The following SLIT3 variants were observed in gnomAD, a reference collection of about 807,000 sequenced individuals.
SLIT3 encodes slit homolog 3 protein.
A neutral mutation model predicts 184.0 loss-of-function variants in SLIT3; 68 were observed. The ratio of observed to expected loss-of-function variants is 0.37; its 90% CI spans 0.30 to 0.45. The LOEUF (loss-of-function observed/expected upper bound fraction) is 0.45, where lower values mean the gene tolerates loss of function less well. SLIT3 is among the 20% of genes least tolerant of loss of function. The pLI is 1.00. For synonymous variants in SLIT3, 831 were observed against 828.6 expected (o/e 1.00, Z -0.05); for missense variants, 1,707 against 2,026.0 (o/e 0.84, Z 3.02).
At chr5:169,006,326 C>A (rs184402418) in intron 4 of SLIT3, among the ~76,000 whole-genome samples, 1 of 152,290 alleles carries the variant, frequency 6.6e-6, no homozygotes, top group Non-Finnish European at 1.5e-5. Flanking sequence ...AGAGATGCGA[C>A]AATGAGAGAG....
chr5:168,940,929 T>A (rs1762311349), intron 4 of SLIT3, among the ~76,000 whole-genome samples: 1 of 152,000 alleles, frequency 6.6e-6, no homozygotes, highest in South Asian at 2.1e-4. Flanking sequence ...CCACTCAGGA[T>A]CCCCCAGGAC....
chr5:169,036,983 A>T (rs1163494967), intron 4 of SLIT3, among the ~76,000 whole-genome samples: 1 of 152,188 alleles, frequency 6.6e-6, no homozygotes, highest in Non-Finnish European at 1.5e-5. Flanking sequence ...ACACCTGCTC[A>T]TAGTGGGACA....
intron 6 of SLIT3, among the ~76,000 whole-genome samples, chr5:168,829,269 T>C (rs531393416): frequency 3.7e-4 from 56 of 152,374 alleles, no homozygotes; most frequent in African/African-American, 1.3e-3. Context: ...CATAACACCA[T>C]GTAATTGGCT....
In SLIT3 at chr5:168,752,996, G is replaced by A. The variant is rs766902850; in HGVS notation, c.1932C>T (p.Ile644=). The A allele has an allele frequency of 6.2e-7, 1 of 1,613,980 alleles. No homozygotes were observed. Among genetic ancestry groups the A allele is most frequent in the Non-Finnish European group, 8.5e-7 (1 of 1,180,006 alleles). Residue 644 remains isoleucine (I), a synonymous_variant, in exon 18 of 36, where the codon ATC becomes ATT. Transcript: ENST00000519560. ...CAAGCGTGGTGAAGGCCCCAGGGGTGATGGTGGTGATCCGATTGTCATAGA... is the reference window on the plus strand; with the variant it reads ...CAAGCGTGGTGAAGGCCCCAGGGGTAATGGTGGTGATCCGATTGTCATAGA... ...LSLYDNRITT[I]TPGAFTTLVS...
chr5:169,088,865 C>A (rs1759439552), intron 4 of SLIT3, among the ~76,000 whole-genome samples: 1 of 151,470 alleles, frequency 6.6e-6, no homozygotes, highest in Non-Finnish European at 1.5e-5. Context: ...ACTAGAAATA[C>A]AAAAATGAGC....
intron 4 of SLIT3, among the ~76,000 whole-genome samples, chr5:168,931,604 G>A (rs1049098134): frequency 6.6e-6 from 1 of 152,224 alleles, no homozygotes; most frequent in African/African-American, 2.4e-5. Context: ...TGTGTACTGA[G>A]TATACGATGA....
rs374907957 is a variant in SLIT3, at chr5:168,671,564, A to G, written c.3842-81T>C. 122 of 1,447,070 alleles carry G rather than the reference A, an allele frequency of 8.4e-5. No individual in the cohort carries two copies. In the African/African-American group the frequency reaches 1.5e-3, roughly 18 times the overall value. 89.6% of individuals were successfully genotyped at this position (1,447,070 alleles called of 1,614,324 possible). A position where few individuals can be genotyped will look rare whatever the true frequency, so the allele number is the denominator to read the frequency against. Reference sequence around the variant, plus strand: ...TCCTCAGAGCGAAAAAGCACTTTTCACACATTCATGGCCAGAACTCTGGGC... The same window carrying G: ...TCCTCAGAGCGAAAAAGCACTTTTCGCACATTCATGGCCAGAACTCTGGGC... On this transcript the variant is annotated intron_variant, in intron 33 of 35. Coordinates refer to ENST00000519560, the MANE Select transcript of SLIT3 (RefSeq NM_003062.4).
chr5:169,217,145 A>AC (rs34658455), intron 3 of SLIT3, among the ~76,000 whole-genome samples: 21,120 of 151,212 alleles, frequency 0.14, 1,772 homozygotes, highest in East Asian at 0.43. Context: ...AAAAAAAAAA[A>AC]AAAAAAACTT....
At chr5:168,932,390 ACTACACACACC>A (rs1762018566) in intron 4 of SLIT3, among the ~76,000 whole-genome samples, 1 of 134,236 alleles carries the variant, frequency 7.4e-6, no homozygotes, top group Non-Finnish European at 1.6e-5. Context: ...ACACACACAC[ACTACACACACC>A]CTACACACAC....
intron 9 of SLIT3, among the ~76,000 whole-genome samples, chr5:168,801,734 C>T (rs1373831126): frequency 1.3e-5 from 2 of 151,930 alleles, no homozygotes; most frequent in East Asian, 3.8e-4. Flanking sequence ...GTTCAGAGAA[C>T]CGACAGGGTG....
At chr5:168,822,635 T>C (rs1431970949) in intron 7 of SLIT3, among the ~76,000 whole-genome samples, 1 of 152,120 alleles carries the variant, frequency 6.6e-6, no homozygotes, top group Admixed American at 6.5e-5. Flanking sequence ...TTGGTCACGA[T>C]GAGGAGATTT....
At chr5:169,103,957 G>A (rs537581465) in intron 4 of SLIT3, among the ~76,000 whole-genome samples, 3 of 152,192 alleles carry the variant, frequency 2.0e-5, no homozygotes, top group African/African-American at 7.2e-5. Context: ...CTCCAGACCC[G>A]TCTGTGAACT....
intron 12 of SLIT3, among the ~76,000 whole-genome samples, chr5:168,782,831 G>A (rs1187768062): frequency 2.6e-5 from 4 of 152,140 alleles, no homozygotes; most frequent in African/African-American, 9.7e-5. Flanking sequence ...GACAATAAGG[G>A]TTGCTAGTAA....
intron 4 of SLIT3, among the ~76,000 whole-genome samples, chr5:168,962,134 C>T (rs1426276911): frequency 6.6e-6 from 1 of 152,072 alleles, no homozygotes. Flanking sequence ...AGCTTCTGTA[C>T]CCATGGGTGG....
intron 4 of SLIT3, among the ~76,000 whole-genome samples, chr5:169,031,137 G>A (rs1160384202): frequency 6.6e-6 from 1 of 152,166 alleles, no homozygotes; most frequent in East Asian, 1.9e-4. Flanking sequence ...CCTTGCAGAT[G>A]GCCCTGGGAA....
At chr5:168,787,844 G>T (rs987480327) in intron 11 of SLIT3, among the ~76,000 whole-genome samples, 3 of 152,124 alleles carry the variant, frequency 2.0e-5, no homozygotes, top group Non-Finnish European at 4.4e-5. Flanking sequence ...CCTGAGCTGG[G>T]ATTGTGTGTG....
intron 4 of SLIT3, among the ~76,000 whole-genome samples, chr5:169,035,647 GAA>G (rs201819555): frequency 0.13 from 13,351 of 103,320 alleles, 851 homozygotes; most frequent in East Asian, 0.44. Context: ...ACTGCATCTG[GAA>G]AAAAAAAAAA....
intron 4 of SLIT3, among the ~76,000 whole-genome samples, chr5:169,047,199 C>A (rs1757656546): frequency 6.6e-6 from 1 of 152,162 alleles, no homozygotes; most frequent in Admixed American, 6.5e-5. Context: ...TGGTTAACCA[C>A]CTTCTCGAGC....
chr5:169,084,345 C>T (rs868477065), intron 4 of SLIT3, among the ~76,000 whole-genome samples: 4 of 149,794 alleles, frequency 2.7e-5, no homozygotes, highest in African/African-American at 7.4e-5. Context: ...GATGCAATGG[C>T]GCGATCGTGA....
Sources: allele counts gnomAD v4.1 joint callset (sites outside exome capture counted in the v4.1 genomes callset), GRCh38; gene constraint gnomAD v4.1.1; transcripts MANE v1.5; gene names NCBI Gene and HGNC (gene_info 2026-07-23, HGNC 2026-07-21).